CTSB: variants seen among roughly 807,000 people sequenced by gnomAD.
The protein encoded by CTSB is APP secretase.
CTSB carries 57 observed loss-of-function variants against 44.3 expected under a neutral mutation model. The observed-to-expected ratio is 1.29, with a 90% confidence interval of 1.04 to 1.60. The LOEUF (loss-of-function observed/expected upper bound fraction) is 1.60, where lower values mean the gene tolerates loss of function less well. CTSB is among the 40% of genes most tolerant of loss of function. The probability of loss-of-function intolerance (pLI) is 0.00; values close to 1 mark genes in which losing one functional copy is unlikely to be tolerated. For synonymous variants in CTSB, 320 were observed against 168.0 expected, an observed-to-expected ratio of 1.91 and a Z score of -7.00; for missense variants, 768 against 443.0, an observed-to-expected ratio of 1.73 and a Z score of -6.59.
At position 11,853,397 on chromosome 8, in the gene CTSB, T is replaced by G; in HGVS notation, c.58A>C (p.Arg20=). ...CLLVLANARS[R]PSFHPLSDEL... is the part of the protein sequence containing the mutation. ...TCCGACAGGGGATGGAAAGAGGGCC[T>G]GCTCCGGGCATTGGCCAACACCAGC... The change falls in exon 2 of 10, where the codon AGG becomes CGG. Residue 20 remains arginine, a synonymous_variant. Coordinates refer to ENST00000353047, the MANE Select transcript of CTSB (RefSeq NM_001908.5). The G allele has an allele frequency of 1.9e-6, 3 of 1,612,882 alleles. No homozygotes were observed. The highest frequency in any genetic ancestry group is 2.5e-6 in the Non-Finnish European group (3 of 1,179,806).
intron 1 of CTSB, among the ~76,000 whole-genome samples, chr8:11,856,314 T>A (rs1381350609): frequency 6.6e-6 from 1 of 151,966 alleles, no homozygotes; most frequent in African/African-American, 2.4e-5. Context: ...AGTGGTTAAA[T>A]AGAATATGAA....
chr8:11,849,193 C>G (rs773528331), intron 4 of CTSB, 29 bp from the exon 5 acceptor site: 1 of 1,591,452 alleles, frequency 6.3e-7, no homozygotes, highest in Non-Finnish European at 8.6e-7. Context: ...CCGGGTGAGG[C>G]TGCCATGTCC....
chr8:11,845,298 C>G (rs1229970011), intron 9 of CTSB, 76 bp from the exon 10 acceptor site: 2 of 1,123,300 alleles, frequency 1.8e-6, no homozygotes, highest in African/African-American at 1.5e-5. Flanking sequence ...CTTAAAAGAC[C>G]TTAAGTCACT....
chr8:11,845,108 G>A lies in CTSB; in HGVS notation c.*17C>T, dbSNP rs528794658. The A allele has an allele frequency of 7.0e-6, 11 of 1,579,194 alleles. No individual in the cohort carries two copies. Among genetic ancestry groups the A allele is most frequent in the African/African-American group, 2.7e-5 (2 of 74,328 alleles). Reference sequence around the variant, plus strand: ...CCGATCTCGCCCCCAGGACTGGCACGACAGGCCCACGGCAGATTAGATCTT... The same window carrying A: ...CCGATCTCGCCCCCAGGACTGGCACAACAGGCCCACGGCAGATTAGATCTT... On this transcript the variant is annotated 3_prime_UTR_variant, in exon 10 of 10. Transcript: ENST00000353047.
intron 1 of CTSB, among the ~76,000 whole-genome samples, chr8:11,855,851 C>G (rs1815417552): frequency 6.6e-6 from 1 of 151,992 alleles, no homozygotes; most frequent in Non-Finnish European, 1.5e-5. Flanking sequence ...AACCCCGTCT[C>G]CACTAAAAAT....
At chr8:11,846,877 G>A (rs1813463393) in intron 8 of CTSB, among the ~76,000 whole-genome samples, 175 bp downstream of exon 8, 1 of 152,242 alleles carries the variant, frequency 6.6e-6, no homozygotes. Context: ...AAGACAGTCA[G>A]GTGCCAGGCT....
intron 5 of CTSB, chr8:11,848,621 C>CACACCGCTACT: frequency 6.4e-6 from 2 of 312,228 alleles, no homozygotes; most frequent in Non-Finnish European, 6.3e-6. Context: ...ACCGCTACTG[C>CACACCGCTACT]GGAACCAAGG....
At chr8:11,847,969 C>A in intron 6 of CTSB, 98 bp downstream of exon 6, 4 of 1,335,914 alleles carry the variant, frequency 3.0e-6, no homozygotes, top group South Asian at 1.3e-5. Flanking sequence ...AGCAGCCCCT[C>A]TGTCTCAACC....
rs201982162 is a variant in CTSB at position 11,847,750 on chromosome 8, C to A, written c.605G>T (p.Gly202Val). ...NGSRPPCTGE[G>V]DTPKCSKICE... ...GATCTTGCTACACTTGGGGGTATCTCCCTCCCCCGTGCATGGGGGCCGGGA... is the reference window on the plus strand; with the variant it reads ...GATCTTGCTACACTTGGGGGTATCTACCTCCCCCGTGCATGGGGGCCGGGA... The change falls in exon 7 of 10, where the codon GGA becomes GTA. Residue 202 changes from glycine (G) to valine (V), a missense_variant. By Grantham distance (109) the Gly-to-Val change is moderately radical. Transcript: ENST00000353047. 3.1e-6 allele frequency: 5 copies of A among 1,602,044 alleles called. No individual in the cohort carries two copies. The highest frequency in any genetic ancestry group is 4.3e-6 in the Non-Finnish European group (5 of 1,176,118).
At chr8:11,845,932 G>C (rs1029991992) in intron 8 of CTSB, 143 bp from the exon 9 acceptor site, 2 of 932,526 alleles carry the variant, frequency 2.1e-6, no homozygotes, top group Admixed American at 3.5e-5. Context: ...GGCTCCAGGG[G>C]GGGTCCCACA....
rs1812695511 is a variant in CTSB, at chr8:11,843,781, A to G, written c.*1344T>C. ...CCCAGTGGCTCACGCCTGTAATCCC[A>G]ACACTTTGGGAGGCTGAGGCAGGCA... On this transcript the variant is annotated 3_prime_UTR_variant, in exon 10 of 10. Transcript: ENST00000353047. The G allele has an allele frequency of 2.0e-5, 3 of 152,240 alleles. No homozygotes were observed. In the South Asian group the frequency reaches 6.2e-4, roughly 32 times the overall value. 9.4% of individuals were successfully genotyped at this position (152,240 alleles called of 1,614,324 possible).
intron 1 of CTSB, 61 bp from the exon 2 acceptor site, chr8:11,853,540 A>G: frequency 6.6e-7 from 1 of 1,503,830 alleles, no homozygotes; most frequent in Non-Finnish European, 9.0e-7. Flanking sequence ...GCTCACACAC[A>G]CAGGGGCACC....
chr8:11,846,772 A>C (rs554511554), intron 8 of CTSB, among the ~76,000 whole-genome samples: 13 of 152,330 alleles, frequency 8.5e-5, no homozygotes, highest in Admixed American at 2.0e-4. Flanking sequence ...CACAGAGAAC[A>C]TGTATGAGCT....
Position 11,847,137 on chromosome 8 carries a change from C to G in CTSB, c.708G>C (p.Glu236Asp). 6.2e-7 allele frequency: 1 copy of G among 1,601,044 alleles called. No homozygotes were observed. Among genetic ancestry groups the G allele is most frequent in the South Asian group, 1.1e-5 (1 of 90,314 alleles). Residue 236 changes from glutamate to aspartate, a missense_variant, in exon 8 of 10, where the codon GAG becomes GAC. Coordinates refer to ENST00000353047, the MANE Select transcript of CTSB (RefSeq NM_001908.5). Reference protein sequence around the residue: ...GYNSYSVSNSEKDIMAEIYKN... With the variant: ...GYNSYSVSNSDKDIMAEIYKN... ...TGTAGATCTCGGCCATGATGTCCTT[C>G]TCGCTATTGGAGACGCTGTAGGAAT...
At position 11,862,896 on chromosome 8, in the gene CTSB, T is replaced by G. The variant is rs376848717; in HGVS notation, c.-26+5105A>C. ...CATTGGGCCCATCCTTCTCCATGCA[T>G]GCTTGCTGGTGATGCTAGATTATCT... On this transcript the variant is annotated intron_variant, in intron 1 of 9. Coordinates refer to ENST00000353047, the MANE Select transcript of CTSB (RefSeq NM_001908.5). Among the ~76,000 whole-genome samples, 7 of 152,360 alleles carry G rather than the reference T, an allele frequency of 4.6e-5. No homozygotes were observed. In the South Asian group the frequency reaches 1.4e-3, roughly 32 times the overall value.
intron 1 of CTSB, among the ~76,000 whole-genome samples, chr8:11,863,795 G>GT (rs758138159): frequency 2.6e-5 from 4 of 152,164 alleles, no homozygotes; most frequent in Non-Finnish European, 5.9e-5. Flanking sequence ...GTTGGTAAAT[G>GT]TGAGGAACAG....
chr8:11,858,853 A>C lies in CTSB; in HGVS notation c.-25-5374T>G, dbSNP rs370817637. ...TCCAGGGTCTTTGCATGGGACAGCA[A>C]CCCATTTTCACTTCCCTTTATATAG... On this transcript the variant is annotated intron_variant, in intron 1 of 9. Transcript: ENST00000353047. Among the ~76,000 whole-genome samples the C allele has an allele frequency of 4.6e-5, 7 of 152,284 alleles. No individual in the cohort carries two copies. The East Asian group carries it at 7.7e-4, about 17-fold the overall frequency.
At chr8:11,865,731 A>G (rs924818595) in intron 1 of CTSB, 3 of 149,008 alleles carry the variant, frequency 2.0e-5, no homozygotes, top group Non-Finnish European at 3.0e-5. Flanking sequence ...TTACCCCTCC[A>G]CCGCGCGGTG....
intron 1 of CTSB, among the ~76,000 whole-genome samples, chr8:11,858,588 T>A (rs1416324776): frequency 6.6e-6 from 1 of 152,124 alleles, no homozygotes; most frequent in Non-Finnish European, 1.5e-5. Flanking sequence ...CCATGCCCAG[T>A]AAAACAAGCT....
Sources: gnomAD v4.1 joint callset for allele counts (sites outside exome capture counted in the v4.1 genomes callset) on GRCh38, gnomAD v4.1.1 for gene constraint, MANE v1.5 for transcripts, NCBI Gene and HGNC (gene_info 2026-07-23, HGNC 2026-07-21) for gene names.